The following SLC24A3 variants were observed in gnomAD, a reference collection of about 807,000 sequenced individuals.
SLC24A3 encodes the protein sodium/potassium/calcium exchanger 3.
A neutral mutation model predicts 75.8 loss-of-function variants in SLC24A3; 28 were observed. The observed-to-expected ratio is 0.37, with a 90% CI of 0.27 to 0.51. The LOEUF is 0.51. SLC24A3 is among the 20% of genes least tolerant of loss of function. The probability of loss-of-function intolerance (pLI) is 0.94; values close to 1 mark genes in which losing one functional copy is unlikely to be tolerated. For missense variants in SLC24A3, 663 were observed against 847.8 expected, an observed-to-expected ratio of 0.78 and a Z score of 2.71; for synonymous variants, 372 against 334.1, an observed-to-expected ratio of 1.11 and a Z score of -1.24.
intron 2 of SLC24A3, among the ~76,000 whole-genome samples, chr20:19,377,805 C>T (rs1295104319): frequency 6.6e-6 from 1 of 152,166 alleles, no homozygotes; most frequent in African/African-American, 2.4e-5. Flanking sequence ...GTTCACAGAC[C>T]TGTTCAGAAA....
chr20:19,483,789 C>G (rs1380068223), intron 2 of SLC24A3, among the ~76,000 whole-genome samples: 1 of 152,150 alleles, frequency 6.6e-6, no homozygotes, highest in Non-Finnish European at 1.5e-5. Context: ...TGGCTTTCTT[C>G]TTGGGTCACA....
At position 19,562,404 on chromosome 20, in the gene SLC24A3, C is replaced by A. The variant is rs529437779; in HGVS notation, c.349-17596C>A. 2.6e-5 allele frequency among the ~76,000 whole-genome samples: 4 copies of A among 152,250 alleles called. No homozygotes were observed. The East Asian group carries it at 7.7e-4, about 29-fold the overall frequency. Reference sequence around the variant, plus strand: ...ATACTGAGACCAGGAGTCATCTGTGCTGATGTCCAGGTACCAAGGTTTCCC... The same window carrying A: ...ATACTGAGACCAGGAGTCATCTGTGATGATGTCCAGGTACCAAGGTTTCCC... On this transcript the variant is annotated intron_variant, in intron 3 of 16. Coordinates refer to ENST00000328041, the MANE Select transcript of SLC24A3 (RefSeq NM_020689.4).
chr20:19,365,654 G>A (rs1033547), intron 2 of SLC24A3, among the ~76,000 whole-genome samples: 53,398 of 151,988 alleles, frequency 0.35, 10,223 homozygotes, highest in Middle Eastern at 0.55. Context: ...TGTAAATGAT[G>A]CCTTTGTTCA....
chr20:19,538,918 A>G (rs558132832), intron 3 of SLC24A3, among the ~76,000 whole-genome samples: 2 of 152,404 alleles, frequency 1.3e-5, no homozygotes, highest in South Asian at 4.1e-4. Flanking sequence ...ATGCTATGCA[A>G]CAATGGTGAT....
intron 4 of SLC24A3, among the ~76,000 whole-genome samples, chr20:19,584,117 A>G (rs2031260478): frequency 6.6e-6 from 1 of 152,230 alleles, no homozygotes; most frequent in African/African-American, 2.4e-5. Flanking sequence ...CTGGGTCATG[A>G]CTGAATGCAG....
intron 6 of SLC24A3, among the ~76,000 whole-genome samples, chr20:19,605,893 G>T (rs981837913): frequency 6.6e-6 from 1 of 152,170 alleles, no homozygotes; most frequent in Non-Finnish European, 1.5e-5. Flanking sequence ...TACACCTCTT[G>T]TCCTCTCTGC....
At chr20:19,326,221 G>C (rs1984858451) in intron 2 of SLC24A3, among the ~76,000 whole-genome samples, 1 of 152,090 alleles carries the variant, frequency 6.6e-6, no homozygotes, top group Admixed American at 6.5e-5. Context: ...CCATTACCGA[G>C]ATGTGGGCAG....
chr20:19,720,161 C>G (rs2033088766), intron 16 of SLC24A3, among the ~76,000 whole-genome samples: 1 of 152,238 alleles, frequency 6.6e-6, no homozygotes, highest in Admixed American at 6.5e-5. Flanking sequence ...CTGGACAGTA[C>G]CACTGGCTAT....
At chr20:19,545,671 T>C (rs1329274671) in intron 3 of SLC24A3, among the ~76,000 whole-genome samples, 2 of 152,156 alleles carry the variant, frequency 1.3e-5, no homozygotes, top group African/African-American at 2.4e-5. Flanking sequence ...CACTGGAGCA[T>C]ATCCTGCAGT....
intron 3 of SLC24A3, among the ~76,000 whole-genome samples, chr20:19,576,946 C>T (rs943013150): frequency 6.6e-6 from 1 of 152,180 alleles, no homozygotes; most frequent in Non-Finnish European, 1.5e-5. Flanking sequence ...ATCATTGGAT[C>T]AGCCAAGTCA....
At chr20:19,613,476 T>C (rs2031697916) in intron 6 of SLC24A3, among the ~76,000 whole-genome samples, 1 of 152,188 alleles carries the variant, frequency 6.6e-6, no homozygotes, top group Non-Finnish European at 1.5e-5. Flanking sequence ...TTTTTTAGAG[T>C]ATCTTGCTGA....
rs748428539 is a variant in SLC24A3 at position 19,212,899 on chromosome 20, G to C, written c.57G>C (p.Arg19=). ...GTCGCCGCCGCCGCCGCCGCCGCCG[G>C]AGGGACCTTCTGCTGAGCCAGCTCT... The part of the protein sequence containing the change: ...RARRRRRRRR[R]RDLLLSQLCF... Residue 19 remains arginine, a synonymous_variant, in exon 1 of 17, where the codon CGG becomes CGC. Transcript: ENST00000328041. The C allele has an allele frequency of 1.5e-6, 2 of 1,329,642 alleles. No homozygotes were observed. The highest frequency in any genetic ancestry group is 3.0e-5 in the East Asian group (1 of 33,414). 82.4% of individuals were successfully genotyped at this position (1,329,642 alleles called of 1,614,324 possible).
intron 15 of SLC24A3, among the ~76,000 whole-genome samples, chr20:19,702,065 TTTATCTTACTAAC>T (rs2032881379): frequency 6.6e-6 from 1 of 152,060 alleles, no homozygotes; most frequent in Non-Finnish European, 1.5e-5. Context: ...AGCAAACCAG[TTTATCTTACTAAC>T]TTTGAAATCT....
chr20:19,650,608 A>G (rs2032190290), intron 6 of SLC24A3, among the ~76,000 whole-genome samples: 1 of 152,170 alleles, frequency 6.6e-6, no homozygotes, highest in African/African-American at 2.4e-5. Flanking sequence ...AATTCACAGT[A>G]TAGAAGAGGA....
chr20:19,392,293 C>T (rs1405065248), intron 2 of SLC24A3, among the ~76,000 whole-genome samples: 4 of 152,128 alleles, frequency 2.6e-5, no homozygotes, highest in South Asian at 2.1e-4. Context: ...AGGGTGGTCA[C>T]GGAGGGACAT....
In SLC24A3 at chr20:19,638,499, AT is replaced by A. The variant is rs1347124388; in HGVS notation, c.613-15562del. 2.6e-5 allele frequency among the ~76,000 whole-genome samples: 4 copies of A among 152,332 alleles called. No homozygotes were observed. The East Asian group carries it at 7.7e-4, about 29-fold the overall frequency. On this transcript the variant is annotated intron_variant, in intron 6 of 16. Transcript: ENST00000328041. ...ACCCACTTGAGGAACTCATTTTCAAATACCCAAGAAAGGAGGAGTGGAGTGA... is the reference window on the plus strand; with the variant it reads ...ACCCACTTGAGGAACTCATTTTCAAAACCCAAGAAAGGAGGAGTGGAGTGA...
chr20:19,346,048 A>G (rs868293277), intron 2 of SLC24A3, among the ~76,000 whole-genome samples: 5 of 119,832 alleles, frequency 4.2e-5, no homozygotes, highest in Non-Finnish European at 6.8e-5. Flanking sequence ...CCCATCAATC[A>G]ATGAATAAAG....
At chr20:19,589,867 A>G (rs6081671) in intron 6 of SLC24A3, among the ~76,000 whole-genome samples, 113,929 of 151,928 alleles carry the variant, frequency 0.75, 43,363 homozygotes, top group Non-Finnish European at 0.83. Context: ...GATGGCAAAG[A>G]GTCTATTGTC....
chr20:19,274,854 A>G (rs928475981), intron 1 of SLC24A3, among the ~76,000 whole-genome samples: 1 of 152,120 alleles, frequency 6.6e-6, no homozygotes, highest in African/African-American at 2.4e-5. Flanking sequence ...GGTTGTACAG[A>G]GTGGAGGCAG....
Sources: allele counts gnomAD v4.1 joint callset (sites outside exome capture counted in the v4.1 genomes callset), GRCh38; gene constraint gnomAD v4.1.1; transcripts MANE v1.5; gene names NCBI Gene and HGNC (gene_info 2026-07-23, HGNC 2026-07-21).